The following ITPR1 variants were observed in gnomAD, a reference collection of about 807,000 sequenced individuals.
ITPR1 encodes inositol 1,4,5-trisphosphate receptor type 1.
ITPR1 carries 96 observed loss-of-function variants against 318.4 expected under a neutral mutation model. The observed-to-expected ratio is 0.30, with a 90% confidence interval of 0.26 to 0.36. The LOEUF (loss-of-function observed/expected upper bound fraction) is 0.36. Among genes scored for constraint, ITPR1 ranks in the 10% least tolerant of loss-of-function variants. The pLI, the probability that ITPR1 is intolerant of heterozygous loss-of-function variation, is 1.00. For synonymous variants in ITPR1, 1,312 were observed against 1,289.9 expected (o/e 1.02, Z -0.37); for missense variants, 2,440 against 3,460.2 (o/e 0.71, Z 7.40).
intron 42 of ITPR1, among the ~76,000 whole-genome samples, chr3:4,730,757 C>T (rs1439215769): frequency 1.3e-5 from 2 of 152,160 alleles, no homozygotes; most frequent in Non-Finnish European, 2.9e-5. Flanking sequence ...CAAGTGGAAT[C>T]GTGGTACACA....
chr3:4,641,676 C>T (rs552669415), intron 6 of ITPR1, among the ~76,000 whole-genome samples: 1 of 152,322 alleles, frequency 6.6e-6, no homozygotes, highest in Admixed American at 6.5e-5. Context: ...TCGCCTGGCC[C>T]TGCGTTGTTT....
At chr3:4,576,681 T>A (rs1224811916) in intron 4 of ITPR1, among the ~76,000 whole-genome samples, 1 of 152,216 alleles carries the variant, frequency 6.6e-6, no homozygotes, top group Non-Finnish European at 1.5e-5. Context: ...AATGCTACAA[T>A]CTGTAGCTAA....
chr3:4,692,154 TAAAA>T (rs1174280972), intron 32 of ITPR1, among the ~76,000 whole-genome samples: 2 of 148,404 alleles, frequency 1.3e-5, no homozygotes, highest in African/African-American at 5.0e-5. Flanking sequence ...AGAAAAAAAA[TAAAA>T]AAAAGAGAGA....
At chr3:4,697,395 C>T in intron 34 of ITPR1, 123 bp downstream of exon 34, 1 of 850,262 alleles carries the variant, frequency 1.2e-6, no homozygotes, top group East Asian at 2.9e-5. Flanking sequence ...TGCATCATTT[C>T]TACTCTAATC....
chr3:4,683,297 G>C (rs1350739987), intron 26 of ITPR1, 89 bp from the exon 27 acceptor site: 1 of 1,288,402 alleles, frequency 7.8e-7, no homozygotes, highest in East Asian at 2.3e-5. Flanking sequence ...TGCTAGAAAT[G>C]CAACTAGGTT....
chr3:4,758,685 A>T (rs987860933), intron 44 of ITPR1, among the ~76,000 whole-genome samples: 3 of 152,148 alleles, frequency 2.0e-5, no homozygotes, highest in African/African-American at 7.2e-5. Flanking sequence ...TAAAGAAAGG[A>T]GTGTCCCCCT....
At chr3:4,557,771 G>C (rs931502) in intron 4 of ITPR1, among the ~76,000 whole-genome samples, 81,961 of 151,924 alleles carry the variant, frequency 0.54, 22,616 homozygotes, top group African/African-American at 0.63. Context: ...ATATGACTCA[G>C]AAGCCAGATG....
chr3:4,679,077 G>A (rs978680890), intron 24 of ITPR1, among the ~76,000 whole-genome samples: 4 of 152,148 alleles, frequency 2.6e-5, no homozygotes, highest in African/African-American at 4.8e-5. Context: ...AGGGAGAAAC[G>A]GCAGTAGGGG....
chr3:4,691,883 G>A (rs2094484709), intron 32 of ITPR1, among the ~76,000 whole-genome samples: 1 of 152,190 alleles, frequency 6.6e-6, no homozygotes, highest in East Asian at 1.9e-4. Flanking sequence ...CCAACGTGGT[G>A]GCTCATGCCT....
intron 26 of ITPR1, among the ~76,000 whole-genome samples, chr3:4,683,153 G>A (rs1194414983): frequency 6.6e-6 from 1 of 152,162 alleles, no homozygotes; most frequent in East Asian, 1.9e-4. Flanking sequence ...TTGTCACTTT[G>A]GCTTAAAATT....
At chr3:4,791,283 C>T (rs1170498469) in intron 52 of ITPR1, among the ~76,000 whole-genome samples, 1 of 152,184 alleles carries the variant, frequency 6.6e-6, no homozygotes, top group East Asian at 1.9e-4. Flanking sequence ...TGCTGTAAGG[C>T]AGCGGTCCCC....
chr3:4,806,794 C>T (rs2048582534), intron 55 of ITPR1, among the ~76,000 whole-genome samples: 1 of 152,074 alleles, frequency 6.6e-6, no homozygotes, highest in Non-Finnish European at 1.5e-5. Context: ...GAGCCAAGTG[C>T]TTAATGTCTT....
chr3:4,563,059 A>G (rs1384762622), intron 4 of ITPR1, among the ~76,000 whole-genome samples: 1 of 152,164 alleles, frequency 6.6e-6, no homozygotes, highest in East Asian at 1.9e-4. Flanking sequence ...GGCCACTTGT[A>G]TCTCTGGGGA....
At chr3:4,519,128 G>A (rs112701678) in intron 3 of ITPR1, among the ~76,000 whole-genome samples, 3 of 152,274 alleles carry the variant, frequency 2.0e-5, no homozygotes, top group South Asian at 2.1e-4. Context: ...TGATCATGCC[G>A]CTAGTAGGTG....
chr3:4,798,518 A>T (rs1007453450), intron 53 of ITPR1, among the ~76,000 whole-genome samples: 1 of 152,254 alleles, frequency 6.6e-6, no homozygotes, highest in Non-Finnish European at 1.5e-5. Flanking sequence ...GCAGTGTGAT[A>T]CATTCACCTT....
chr3:4,785,301 T>C (rs947151781), intron 51 of ITPR1, among the ~76,000 whole-genome samples: 5 of 152,164 alleles, frequency 3.3e-5, no homozygotes, highest in African/African-American at 1.2e-4. Context: ...TGCACTGTCT[T>C]TCAGAATCCA....
At chr3:4,558,185 A>C (rs1318654165) in intron 4 of ITPR1, among the ~76,000 whole-genome samples, 1 of 152,318 alleles carries the variant, frequency 6.6e-6, no homozygotes, top group Middle Eastern at 3.4e-3. Context: ...GGAGAATCTT[A>C]ATTGGACATA....
At chr3:4,579,919 A>C (rs183862716) in intron 4 of ITPR1, among the ~76,000 whole-genome samples, 334 of 148,598 alleles carry the variant, frequency 2.2e-3, no homozygotes, top group African/African-American at 7.9e-3. Flanking sequence ...CCTTAAAAAA[A>C]ACCTTTATTA....
intron 5 of ITPR1, among the ~76,000 whole-genome samples, chr3:4,636,965 G>T (rs1222681828): frequency 3.9e-5 from 6 of 152,168 alleles, no homozygotes; most frequent in African/African-American, 1.4e-4. Context: ...CTTATTCTAA[G>T]CATAGGTAGA....
Sources: allele counts gnomAD v4.1 joint callset (sites outside exome capture counted in the v4.1 genomes callset), GRCh38; gene constraint gnomAD v4.1.1; transcripts MANE v1.5; gene names NCBI Gene and HGNC (gene_info 2026-07-23, HGNC 2026-07-21).